The following SPAG1 variants were observed in gnomAD, a reference collection of about 807,000 sequenced individuals.
The protein encoded by SPAG1 is sperm-associated antigen 1.
In SPAG1, 69 loss-of-function variants were observed where a neutral mutation model predicts 100.5. That is an observed-to-expected ratio of 0.69 (90% CI 0.57 to 0.84). The LOEUF (loss-of-function observed/expected upper bound fraction) is 0.84, where lower values mean the gene tolerates loss of function less well. Among genes scored for constraint, SPAG1 ranks in the 40% least tolerant of loss-of-function variants. SPAG1 has a pLI of 0.00. For synonymous variants in SPAG1, 336 were observed against 411.6 expected (o/e 0.82, Z 2.22); for missense variants, 955 against 1,133.1 (o/e 0.84, Z 2.26).
intron 11 of SPAG1, among the ~76,000 whole-genome samples, 186 bp downstream of exon 11, chr8:100,213,614 A>T (rs1367829908): frequency 6.6e-6 from 1 of 152,090 alleles, no homozygotes; most frequent in Non-Finnish European, 1.5e-5. Context: ...GAATGCCGGC[A>T]TGTTCCCGGC....
chr8:100,221,073 C>CA (rs1225636570), intron 13 of SPAG1, among the ~76,000 whole-genome samples: 4 of 149,104 alleles, frequency 2.7e-5, no homozygotes, highest in Admixed American at 6.7e-5. Flanking sequence ...ATTCCAACTC[C>CA]AAAAAAAAAA....
chr8:100,182,109 T>C (rs1323685038), intron 4 of SPAG1, among the ~76,000 whole-genome samples: 2 of 152,266 alleles, frequency 1.3e-5, no homozygotes, highest in African/African-American at 4.8e-5. Flanking sequence ...AATTCTGCTA[T>C]ACTTACCTTT....
chr8:100,167,406 CTAAG>C (rs1815610073), intron 3 of SPAG1, among the ~76,000 whole-genome samples: 1 of 152,122 alleles, frequency 6.6e-6, no homozygotes. Flanking sequence ...ATTAGGCACA[CTAAG>C]AGATTAACAA....
In SPAG1 at chr8:100,220,300, C is replaced by A; in HGVS notation, c.1557C>A (p.Phe519Leu). 6.2e-7 allele frequency: 1 copy of A among 1,610,178 alleles called. No individual in the cohort carries two copies. Among genetic ancestry groups the A allele is most frequent in the Non-Finnish European group, 8.5e-7 (1 of 1,179,074 alleles). ...TTAGGGCTCTGGAACTTCATCCATTCTCTATGAAACCTCTTCTGAGGCGGG... is the reference window on the plus strand; with the variant it reads ...TTAGGGCTCTGGAACTTCATCCATTATCTATGAAACCTCTTCTGAGGCGGG... ...DCNRALELHP[F>L]SMKPLLRRAM... The change falls in exon 13 of 19, where the codon TTC becomes TTA. Residue 519 changes from phenylalanine (F) to leucine (L), a missense_variant. Physicochemically the swap from Phe to Leu is conservative, Grantham distance 22. Transcript: ENST00000388798.
At chr8:100,164,454 T>C (rs1251901348) in intron 2 of SPAG1, among the ~76,000 whole-genome samples, 3 of 152,236 alleles carry the variant, frequency 2.0e-5, no homozygotes, top group Non-Finnish European at 4.4e-5. Context: ...AGATGCAGTC[T>C]CACTCTGTCA....
chr8:100,164,549 T>A (rs535391708), intron 2 of SPAG1, among the ~76,000 whole-genome samples: 8 of 152,242 alleles, frequency 5.3e-5, no homozygotes, highest in African/African-American at 1.9e-4. Context: ...CTCAGCCTCC[T>A]GCATAGCTGG....
At chr8:100,190,117 T>G (rs577511879) in intron 8 of SPAG1, among the ~76,000 whole-genome samples, 1 of 152,120 alleles carries the variant, frequency 6.6e-6, no homozygotes, top group Non-Finnish European at 1.5e-5. Flanking sequence ...GAGACCATCC[T>G]GGCTAACACG....
In SPAG1 at chr8:100,241,007, G is replaced by A. The variant is rs1171994072; in HGVS notation, c.2766G>A (p.Arg922=). 1.2e-6 allele frequency: 2 copies of A among 1,611,450 alleles called. No individual in the cohort carries two copies. Among genetic ancestry groups the A allele is most frequent in the African/African-American group, 2.7e-5 (2 of 74,892 alleles). Residue 922 remains arginine (R), a synonymous_variant, in exon 19 of 19, where the codon AGG becomes AGA. Coordinates refer to ENST00000388798, the MANE Select transcript of SPAG1 (RefSeq NM_003114.5). This position sits in a 1 kb window ranked among gnomAD's most constrained non-coding sequence, Gnocchi z 5.1. ...FTLEDIQALK[R]QYEL ...TAGAAGATATACAGGCCCTAAAAAG[G>A]CAGTATGAGCTTTAAATCAAGATAA...
chr8:100,230,664 C>A (rs1182737188), intron 14 of SPAG1, among the ~76,000 whole-genome samples: 1 of 152,160 alleles, frequency 6.6e-6, no homozygotes, highest in Non-Finnish European at 1.5e-5. Flanking sequence ...GCTCTTGTTG[C>A]CCAGGCTAGA....
chr8:100,174,327 T>C (rs765958608), intron 3 of SPAG1, among the ~76,000 whole-genome samples: 2 of 152,200 alleles, frequency 1.3e-5, no homozygotes, highest in Non-Finnish European at 2.9e-5. Context: ...ATATTTACAA[T>C]GTATTAAGTG....
intron 15 of SPAG1, among the ~76,000 whole-genome samples, chr8:100,231,821 G>A (rs1818781573): frequency 1.3e-5 from 2 of 152,162 alleles, no homozygotes; most frequent in South Asian, 4.1e-4. Flanking sequence ...AATTAGCCAG[G>A]CGCAGCGGCA....
At chr8:100,175,863 A>G (rs1266182799) in intron 3 of SPAG1, among the ~76,000 whole-genome samples, 1 of 152,214 alleles carries the variant, frequency 6.6e-6, no homozygotes, top group African/African-American at 2.4e-5. Context: ...TTGTACAGCC[A>G]AAAGACTGGC....
rs2453656 is a variant in SPAG1 at position 100,184,596 on chromosome 8, G to A, written c.596-32G>A. Reference sequence around the variant, plus strand: ...CTTGAAAAATTCTGTTAAATTATACGTTTACATATAGCAGATAACATTTAT... The same window carrying A: ...CTTGAAAAATTCTGTTAAATTATACATTTACATATAGCAGATAACATTTAT... On this transcript the variant is annotated intron_variant, in intron 6 of 18. Coordinates refer to ENST00000388798, the MANE Select transcript of SPAG1 (RefSeq NM_003114.5). 442,703 of 1,190,830 alleles carry A rather than the reference G, an allele frequency of 0.37. 84,302 individuals are homozygous for A. Among genetic ancestry groups the A allele is most frequent in the East Asian group, 0.61 (21,892 of 36,044 alleles). 73.8% of individuals were successfully genotyped at this position (1,190,830 alleles called of 1,614,324 possible).
At chr8:100,202,925 C>G (rs1382624700) in intron 10 of SPAG1, among the ~76,000 whole-genome samples, 2 of 152,030 alleles carry the variant, frequency 1.3e-5, no homozygotes, top group African/African-American at 4.8e-5. Flanking sequence ...CTTTGGGAGG[C>G]TGAGGCCAGA....
At chr8:100,209,084 T>A (rs1817618626) in intron 10 of SPAG1, among the ~76,000 whole-genome samples, 1 of 152,054 alleles carries the variant, frequency 6.6e-6, no homozygotes, top group African/African-American at 2.4e-5. Context: ...TGCCAGCGAA[T>A]ATAAAGCAGA....
chr8:100,193,848 G>C (rs1446658159), intron 9 of SPAG1, among the ~76,000 whole-genome samples: 1 of 152,122 alleles, frequency 6.6e-6, no homozygotes, highest in Non-Finnish European at 1.5e-5. Context: ...CTAGAAAGAT[G>C]ATTATCAAAA....
At chr8:100,229,944 C>T (rs1818691263) in intron 14 of SPAG1, among the ~76,000 whole-genome samples, 1 of 152,220 alleles carries the variant, frequency 6.6e-6, no homozygotes, top group Non-Finnish European at 1.5e-5. Context: ...GCCCCATTTT[C>T]ACATCATCCC....
intron 3 of SPAG1, 106 bp downstream of exon 3, chr8:100,166,079 T>C: frequency 2.1e-6 from 2 of 963,700 alleles, no homozygotes; most frequent in Non-Finnish European, 3.0e-6. Flanking sequence ...AAAGGGCTTT[T>C]AGTGTCAATT....
chr8:100,197,331 C>T (rs751528081), intron 10 of SPAG1, among the ~76,000 whole-genome samples: 4 of 151,996 alleles, frequency 2.6e-5, no homozygotes, highest in Non-Finnish European at 5.9e-5. Flanking sequence ...CCAGTAAGTT[C>T]CCTTTTATCA....
Sources: allele counts gnomAD v4.1 joint callset (sites outside exome capture counted in the v4.1 genomes callset), GRCh38; gene constraint gnomAD v4.1.1; non-coding constraint Gnocchi (gnomAD v3.1); transcripts MANE v1.5; gene names NCBI Gene and HGNC (gene_info 2026-07-23, HGNC 2026-07-21).